Variants in TMPRSS4 observed in about 807,000 individuals in gnomAD.
TMPRSS4 encodes the protein transmembrane protease serine 4.
A neutral mutation model predicts 56.4 loss-of-function variants in TMPRSS4; 45 were observed. The ratio of observed to expected loss-of-function variants is 0.80; its 90% confidence interval spans 0.63 to 1.02. The LOEUF is 1.02. Ranked by LOEUF, TMPRSS4 falls within the 50% of genes least tolerant of loss-of-function variation. TMPRSS4 has a pLI of 0.00. For synonymous variants in TMPRSS4, 205 were observed against 211.0 expected, an observed-to-expected ratio of 0.97 and a Z score of 0.25; for missense variants, 546 against 556.7, an observed-to-expected ratio of 0.98 and a Z score of 0.19.
rs533471941 is a variant in TMPRSS4 at position 118,102,570 on chromosome 11, G to A, written c.158-531G>A. ...TAAAAATACAAAAAATTAGCCAAGTGTGGTGGCATGTGCCTGTAATCCCAG... is the reference window on the plus strand; with the variant it reads ...TAAAAATACAAAAAATTAGCCAAGTATGGTGGCATGTGCCTGTAATCCCAG... On this transcript the variant is annotated intron_variant, in intron 3 of 12. Coordinates refer to ENST00000437212, the MANE Select transcript of TMPRSS4 (RefSeq NM_019894.4). 2.6e-5 allele frequency among the ~76,000 whole-genome samples: 4 copies of A among 152,306 alleles called. No individual in the cohort carries two copies. In the South Asian group the frequency reaches 6.2e-4, roughly 24 times the overall value.
intron 1 of TMPRSS4, chr11:118,088,371 T>C (rs1945726872): frequency 7.0e-6 from 1 of 143,356 alleles, no homozygotes; most frequent in Non-Finnish European, 1.5e-5. Context: ...TGCCTCCATA[T>C]TTGGGTCTTG....
At chr11:118,116,936 C>G (rs1240334701) in intron 11 of TMPRSS4, among the ~76,000 whole-genome samples, 1 of 152,074 alleles carries the variant, frequency 6.6e-6, no homozygotes, top group Admixed American at 6.6e-5. Flanking sequence ...GTCTTGAACT[C>G]CTGACCTCAA....
At chr11:118,116,007 T>C (rs12225133) in intron 11 of TMPRSS4, among the ~76,000 whole-genome samples, 14,765 of 144,358 alleles carry the variant, frequency 0.1, 1,302 homozygotes, top group East Asian at 0.43. Flanking sequence ...CACATCTGTG[T>C]GTGCCCTCAC....
At chr11:118,109,649 A>C (rs1373664104) in intron 7 of TMPRSS4, among the ~76,000 whole-genome samples, 1 of 152,236 alleles carries the variant, frequency 6.6e-6, no homozygotes, top group East Asian at 1.9e-4. Flanking sequence ...AGATCAGAAA[A>C]GAAAACAAGC....
intron 1 of TMPRSS4, among the ~76,000 whole-genome samples, chr11:118,077,558 C>A (rs1944752555): frequency 6.6e-6 from 1 of 152,202 alleles, no homozygotes; most frequent in South Asian, 2.1e-4. Flanking sequence ...CCAGGGCTGT[C>A]CTTCCCGACT....
At chr11:118,117,729 G>C in intron 12 of TMPRSS4, 173 bp from the exon 13 acceptor site, 3 of 985,420 alleles carry the variant, frequency 3.0e-6, no homozygotes, top group Non-Finnish European at 3.6e-6. Context: ...CCTTTCTAGA[G>C]AGAAGATTCT....
chr11:118,104,597 T>C (rs1473406462), intron 4 of TMPRSS4, 94 bp from the exon 5 acceptor site: 84 of 1,576,218 alleles, frequency 5.3e-5, no homozygotes, highest in Non-Finnish European at 6.6e-5. Context: ...CAGTTCTAGG[T>C]TGGGGGAGCT....
In TMPRSS4 at chr11:118,118,207, A is replaced by G. The variant is rs1947666413; in HGVS notation, c.*294A>G. 1 of 1,335,464 alleles carries G rather than the reference A, an allele frequency of 7.5e-7. No individual in the cohort carries two copies. The highest frequency in any genetic ancestry group is 9.6e-7 in the Non-Finnish European group (1 of 1,043,844). The allele number at this position is 1,335,464 out of a possible 1,614,324, so 82.7% of individuals were successfully genotyped here. A position where few individuals can be genotyped will look rare whatever the true frequency, so the allele number is the denominator to read the frequency against. The stretch of plus-strand genomic sequence containing the variant: ...AGGGGTATTGCTAAGCCAAGAAGGA[A>G]CTTTCCCACACTACTGAATGGAAGC... On this transcript the variant is annotated 3_prime_UTR_variant, in exon 13 of 13. Transcript: ENST00000437212.
At chr11:118,092,943 A>G (rs547582802) in intron 1 of TMPRSS4, among the ~76,000 whole-genome samples, 2 of 152,328 alleles carry the variant, frequency 1.3e-5, no homozygotes, top group East Asian at 3.9e-4. Flanking sequence ...CTTTTGAAGC[A>G]GGTTTTATTG....
Position 118,113,572 on chromosome 11 carries a change from C to G in TMPRSS4, c.910+137C>G, listed in dbSNP as rs78302811. On this transcript the variant is annotated intron_variant, in intron 9 of 12. Coordinates refer to ENST00000437212, the MANE Select transcript of TMPRSS4 (RefSeq NM_019894.4). ...GCTTGCCCATTTGTCTCTAATACGT[C>G]AGCCTAACATCACTGATGCCATGAG... 141 of 947,454 alleles carry G rather than the reference C, an allele frequency of 1.5e-4. No homozygotes were observed. In the East Asian group the frequency reaches 3.2e-3, roughly 21 times the overall value. 58.7% of individuals were successfully genotyped at this position (947,454 alleles called of 1,614,324 possible).
chr11:118,117,574 TCC>T, intron 12 of TMPRSS4, 120 bp downstream of exon 12: 2 of 1,499,694 alleles, frequency 1.3e-6, no homozygotes, highest in Non-Finnish European at 8.9e-7. Flanking sequence ...CAAATAACTT[TCC>T]CTCCAAGCAA....
In TMPRSS4 at chr11:118,087,356, G is replaced by A. The variant is rs547631252; in HGVS notation, c.4-7460G>A. On this transcript the variant is annotated intron_variant, in intron 1 of 12. Coordinates refer to ENST00000437212, the MANE Select transcript of TMPRSS4 (RefSeq NM_019894.4). The stretch of plus-strand genomic sequence containing the variant: ...CAAGGGAGGCAGACAGGAGCTGGCC[G>A]AGCTTTCTGTTCCTTTGGCCTCCTT... Among the ~76,000 whole-genome samples the A allele has an allele frequency of 4.6e-5, 7 of 152,340 alleles. No individual in the cohort carries two copies. The South Asian group carries it at 1.2e-3, about 27-fold the overall frequency.
rs1947616838 is a variant in TMPRSS4 at position 118,117,326 on chromosome 11, A to C, written c.1174A>C (p.Met392Leu). 1.2e-6 allele frequency: 2 copies of C among 1,614,002 alleles called. No individual in the cohort carries two copies. The highest frequency in any genetic ancestry group is 1.3e-5 in the African/African-American group (1 of 74,902). ...ACAGGGTGACAGTGGTGGGCCCCTG[A>C]TGTACCAATCTGACCAGTGGCATGT... ...TCQGDSGGPL[M>L]YQSDQWHVVG... The change falls in exon 12 of 13, where the codon ATG becomes CTG. Residue 392 changes from methionine to leucine, a missense_variant. Transcript: ENST00000437212.
Position 118,097,313 on chromosome 11 carries a change from G to A in TMPRSS4, c.44-1672G>A, listed in dbSNP as rs1313463161. ...GTTAGAGGTGATGCGTGCTTTGGAA[G>A]AAAAAAAAAGCAAGAAAGGAGGATA... On this transcript the variant is annotated intron_variant, in intron 2 of 12. Transcript: ENST00000437212. Among the ~76,000 whole-genome samples, 5 of 150,378 alleles carry A rather than the reference G, an allele frequency of 3.3e-5. No individual in the cohort carries two copies. The East Asian group carries it at 7.7e-4, about 23-fold the overall frequency.
At chr11:118,117,225 G>A (rs1406795058) in intron 11 of TMPRSS4, 80 bp from the exon 12 acceptor site, 2 of 1,428,210 alleles carry the variant, frequency 1.4e-6, no homozygotes, top group East Asian at 2.3e-5. Context: ...GAACAGATAG[G>A]CCAGTTCAGG....
rs1441476019 is a variant in TMPRSS4, at chr11:118,115,263, G to T, written c.1135G>T (p.Gly379Cys). ...KMMCAGIPEG[G>C]VDTCQGDSGG... ...GATGTGTGCAGGCATCCCGGAAGGG[G>T]GTGTGGACACCTGCCAGGTGGGGCC... The change falls in exon 11 of 13, where the codon GGT becomes TGT. Residue 379 changes from glycine (G) to cysteine (C), a missense_variant. Physicochemically the swap from Gly to Cys is radical, Grantham distance 159 (BLOSUM62 -3). Transcript: ENST00000437212. The T allele has an allele frequency of 1.2e-6, 2 of 1,612,696 alleles. No homozygotes were observed. Among genetic ancestry groups the T allele is most frequent in the Non-Finnish European group, 1.7e-6 (2 of 1,179,862 alleles).
At chr11:118,111,999 T>C in intron 8 of TMPRSS4, 99 bp downstream of exon 8, 1 of 1,488,518 alleles carries the variant, frequency 6.7e-7, no homozygotes, top group Non-Finnish European at 8.9e-7. Context: ...CTCTTCACTC[T>C]CCCACTAGAG....
intron 2 of TMPRSS4, among the ~76,000 whole-genome samples, chr11:118,097,756 T>C (rs549263114): frequency 6.6e-6 from 1 of 152,264 alleles, no homozygotes; most frequent in African/African-American, 2.4e-5. Flanking sequence ...ACCTCCTCCC[T>C]GATGAAAGAT....
At chr11:118,092,937 T>C (rs188954039) in intron 1 of TMPRSS4, among the ~76,000 whole-genome samples, 716 of 152,336 alleles carry the variant, frequency 4.7e-3, no homozygotes, top group Middle Eastern at 0.01. Flanking sequence ...AGTAGTCTTT[T>C]GAAGCAGGTT....
Sources: gnomAD v4.1 joint callset for allele counts (sites outside exome capture counted in the v4.1 genomes callset) on GRCh38, gnomAD v4.1.1 for gene constraint, MANE v1.5 for transcripts, NCBI Gene and HGNC (gene_info 2026-07-23, HGNC 2026-07-21) for gene names.